MTHFD1L: variants seen among roughly 807,000 people sequenced by gnomAD.
MTHFD1L encodes the protein monofunctional C1-tetrahydrofolate synthase, mitochondrial.
MTHFD1L carries 81 observed loss-of-function variants against 119.5 expected under a neutral mutation model. The observed-to-expected ratio is 0.68, with a 90% CI of 0.57 to 0.82. MTHFD1L has a LOEUF of 0.82. Among genes scored for constraint, MTHFD1L ranks in the 40% least tolerant of loss-of-function variants. MTHFD1L has a pLI of 0.00. For synonymous variants in MTHFD1L, 430 were observed against 475.2 expected (o/e 0.90, Z 1.24); for missense variants, 1,125 against 1,253.4 (o/e 0.90, Z 1.55).
intron 24 of MTHFD1L, among the ~76,000 whole-genome samples, chr6:151,017,556 A>T (rs1261658536): frequency 6.6e-6 from 1 of 152,008 alleles, no homozygotes; most frequent in Non-Finnish European, 1.5e-5. Flanking sequence ...CATGTTCGTC[A>T]GGCTGGTCTC....
intron 26 of MTHFD1L, among the ~76,000 whole-genome samples, chr6:151,086,348 G>T (rs949353669): frequency 1.3e-5 from 2 of 151,686 alleles, no homozygotes; most frequent in East Asian, 3.9e-4. Context: ...ATTTATCCTC[G>T]TGCATCATCT....
chr6:151,034,594 T>G lies in MTHFD1L; in HGVS notation c.2688T>G (p.Thr896=). 6.2e-7 allele frequency: 1 copy of G among 1,604,320 alleles called. No homozygotes were observed. Among genetic ancestry groups the G allele is most frequent in the Non-Finnish European group, 8.5e-7 (1 of 1,173,056 alleles). ...PEAQAKIDRY[T]QQGFGNLPIC... is the part of the protein sequence containing the mutation. The stretch of plus-strand genomic sequence containing the variant: ...CACAAGCCAAAATAGATCGTTACAC[T>G]CAACAGGTAAAAGTTCTACTTTTAG... The change falls in exon 25 of 28, where the codon ACT becomes ACG. Residue 896 remains threonine (T), a synonymous_variant. Transcript: ENST00000367321.
At chr6:151,043,264 T>TTTC (rs1787413440) in intron 26 of MTHFD1L, among the ~76,000 whole-genome samples, 2 of 127,130 alleles carry the variant, frequency 1.6e-5, no homozygotes, top group East Asian at 4.4e-4. Context: ...TTCTCTTTTT[T>TTTC]TTTTTTTTTT....
At chr6:150,892,496 C>T (rs1783476692) in intron 7 of MTHFD1L, among the ~76,000 whole-genome samples, 1 of 152,004 alleles carries the variant, frequency 6.6e-6, no homozygotes, top group Admixed American at 6.6e-5. Context: ...ACGTTTTTTT[C>T]CCTAAGTCCT....
At chr6:151,042,464 T>A (rs1386000061) in intron 26 of MTHFD1L, among the ~76,000 whole-genome samples, 1 of 152,182 alleles carries the variant, frequency 6.6e-6, no homozygotes, top group African/African-American at 2.4e-5. Context: ...CTACTACAAA[T>A]TACCCTGTTA....
At chr6:151,074,008 G>A (rs898632235) in intron 26 of MTHFD1L, among the ~76,000 whole-genome samples, 1 of 152,340 alleles carries the variant, frequency 6.6e-6, no homozygotes, top group Middle Eastern at 3.4e-3. Flanking sequence ...GACACATTAT[G>A]TAGAGAGGAA....
At chr6:150,957,792 TTTATG>T (rs1271663740) in intron 17 of MTHFD1L, among the ~76,000 whole-genome samples, 1 of 152,016 alleles carries the variant, frequency 6.6e-6, no homozygotes, top group East Asian at 1.9e-4. Context: ...TGTAAACCTG[TTTATG>T]TTAAGAAAAA....
At position 150,865,905 on chromosome 6, in the gene MTHFD1L, C is replaced by T; in HGVS notation, c.83C>T (p.Pro28Leu). 7 of 1,198,220 alleles carry T rather than the reference C, an allele frequency of 5.8e-6. No homozygotes were observed. The highest frequency in any genetic ancestry group is 7.2e-6 in the Non-Finnish European group (7 of 969,288). The allele number at this position is 1,198,220 out of a possible 1,614,324, so 74.2% of individuals were successfully genotyped here. Residue 28 changes from proline to leucine, a missense_variant, in exon 1 of 28, where the codon CCC becomes CTC. Transcript: ENST00000367321. ...GGCCCTCCGCGCCGCCTCCGTGTGC[C>T]CTGTCGCGCTAGCAGCGGCGGCGGC... ...PPGPPRRLRV[P>L]CRASSGGGGG...
chr6:150,867,593 T>G (rs76511101), intron 1 of MTHFD1L, among the ~76,000 whole-genome samples: 1 of 152,000 alleles, frequency 6.6e-6, no homozygotes, highest in Non-Finnish European at 1.5e-5. Context: ...GTAAACTGAT[T>G]ATTACCTGAA....
At chr6:150,982,995 C>T (rs1173045515) in intron 20 of MTHFD1L, among the ~76,000 whole-genome samples, 2 of 152,156 alleles carry the variant, frequency 1.3e-5, no homozygotes, top group African/African-American at 2.4e-5. Context: ...CCACTATGAC[C>T]GGCTGAACGC....
chr6:151,022,193 T>TTTGTTGTTATTG (rs1268225760), intron 24 of MTHFD1L: 1 of 349,324 alleles, frequency 2.9e-6, no homozygotes, highest in Admixed American at 3.6e-5. Context: ...AGGCAGGATG[T>TTTGTTGTTATTG]TTGTTGTTAT....
At chr6:151,062,394 C>T (rs569926112) in intron 26 of MTHFD1L, among the ~76,000 whole-genome samples, 235 of 152,058 alleles carry the variant, frequency 1.5e-3, no homozygotes, top group Admixed American at 4.1e-3. Flanking sequence ...GCCAAGATCG[C>T]GCCACTGCAC....
chr6:150,901,824 T>G (rs1785144366), intron 7 of MTHFD1L, among the ~76,000 whole-genome samples: 1 of 152,264 alleles, frequency 6.6e-6, no homozygotes, highest in Admixed American at 6.5e-5. Flanking sequence ...TTTTGAACAT[T>G]GTTTTCTTTC....
At chr6:151,071,399 A>C in intron 26 of MTHFD1L, among the ~76,000 whole-genome samples, 1 of 152,144 alleles carries the variant, frequency 6.6e-6, no homozygotes, top group East Asian at 1.9e-4. Flanking sequence ...TTCTGTGAGA[A>C]AAATCACTAA....
chr6:150,937,944 A>G (rs898252932), intron 12 of MTHFD1L, among the ~76,000 whole-genome samples: 4 of 152,192 alleles, frequency 2.6e-5, no homozygotes, highest in African/African-American at 7.2e-5. Flanking sequence ...CAAATCTCAC[A>G]TACTATTATC....
At chr6:150,964,936 G>A (rs373771929) in intron 18 of MTHFD1L, 33 bp from the exon 19 acceptor site, 7 of 1,604,014 alleles carry the variant, frequency 4.4e-6, no homozygotes, top group Admixed American at 1.7e-5. Flanking sequence ...ATGATATTTT[G>A]TCAGGAATCT....
Position 150,943,673 on chromosome 6 carries a change from C to T in MTHFD1L, c.1441-813C>T, listed in dbSNP as rs945728518. ...AGCCTGAAACTTTTGGTACATCTAC[C>T]GTATACAGCTTCTATAAACTATACA... is the stretch of plus-strand genomic sequence containing the variant. On this transcript the variant is annotated intron_variant, in intron 13 of 27. Coordinates refer to ENST00000367321, the MANE Select transcript of MTHFD1L (RefSeq NM_015440.5). 9.2e-5 allele frequency among the ~76,000 whole-genome samples: 14 copies of T among 151,914 alleles called. No homozygotes were observed. In the East Asian group the frequency reaches 9.6e-4, roughly 10 times the overall value.
chr6:150,945,984 A>G (rs1793872358), intron 15 of MTHFD1L, among the ~76,000 whole-genome samples: 2 of 152,092 alleles, frequency 1.3e-5, no homozygotes, highest in African/African-American at 4.8e-5. Context: ...TGCCAGCCTG[A>G]GCAACACAGC....
chr6:151,060,256 A>G (rs922052691), intron 26 of MTHFD1L, among the ~76,000 whole-genome samples: 1 of 152,178 alleles, frequency 6.6e-6, no homozygotes, highest in Non-Finnish European at 1.5e-5. Context: ...TTTGGTACAC[A>G]ATCCTCAGAT....
Sources: gnomAD v4.1 joint callset for allele counts (sites outside exome capture counted in the v4.1 genomes callset) on GRCh38, gnomAD v4.1.1 for gene constraint, MANE v1.5 for transcripts, NCBI Gene and HGNC (gene_info 2026-07-23, HGNC 2026-07-21) for gene names.